The following CTNNA2 variants were observed in gnomAD, a reference collection of about 807,000 sequenced individuals.
The protein encoded by CTNNA2 is catenin alpha-2.
In CTNNA2, 42 loss-of-function variants were observed where a neutral mutation model predicts 101.0. That is an observed-to-expected ratio of 0.42 (90% CI 0.32 to 0.54). The LOEUF (loss-of-function observed/expected upper bound fraction) is 0.54, where lower values mean the gene tolerates loss of function less well. Ranked by LOEUF, CTNNA2 falls within the 20% of genes least tolerant of loss-of-function variation. The pLI, the probability that CTNNA2 is intolerant of heterozygous loss-of-function variation, is 0.14. For missense variants in CTNNA2, 871 were observed against 1,223.1 expected (o/e 0.71, Z 4.29); for synonymous variants, 450 against 456.4 (o/e 0.99, Z 0.18).
At chr2:80,222,263 T>A (rs527258161) in intron 7 of CTNNA2, among the ~76,000 whole-genome samples, 1 of 152,338 alleles carries the variant, frequency 6.6e-6, no homozygotes, top group East Asian at 1.9e-4. Context: ...ATTCTGCTTA[T>A]ACACAAAGCA....
At chr2:79,550,797 A>G (rs1246441155) in intron 1 of CTNNA2, among the ~76,000 whole-genome samples, 3 of 152,278 alleles carry the variant, frequency 2.0e-5, no homozygotes, top group Middle Eastern at 3.4e-3. Flanking sequence ...AAACTAAGAC[A>G]TAGATGAGAA....
chr2:80,303,296 A>G lies in CTNNA2; in HGVS notation c.1057-89915A>G. On this transcript the variant is annotated intron_variant, in intron 7 of 18. Coordinates refer to ENST00000402739, the MANE Select transcript of CTNNA2 (RefSeq NM_001282597.3). The surrounding 1 kb of genome is among the most constrained non-coding windows in gnomAD (Gnocchi z 7.7). ...GTCCTGGAAGATGCGCACGGGCACA[A>G]ACTGGATGGCGTTGGCCCGCATATG... 1 of 1,613,630 alleles carries G rather than the reference A, an allele frequency of 6.2e-7. No homozygotes were observed. Among genetic ancestry groups the G allele is most frequent in the Non-Finnish European group, 8.5e-7 (1 of 1,180,018 alleles).
intron 7 of CTNNA2, among the ~76,000 whole-genome samples, chr2:80,160,353 G>T (rs1038988919): frequency 6.6e-6 from 1 of 152,010 alleles, no homozygotes; most frequent in African/African-American, 2.4e-5. Flanking sequence ...CTTGGATTTT[G>T]CTAGAAATCG....
intron 7 of CTNNA2, among the ~76,000 whole-genome samples, chr2:80,185,396 A>G (rs1437883678): frequency 6.6e-6 from 1 of 152,194 alleles, no homozygotes; most frequent in Non-Finnish European, 1.5e-5. Flanking sequence ...CACTTTTGCC[A>G]TTCTGTTGAT....
At chr2:79,715,737 T>TA (rs1313127191) in intron 2 of CTNNA2, among the ~76,000 whole-genome samples, 1 of 152,046 alleles carries the variant, frequency 6.6e-6, no homozygotes, top group Non-Finnish European at 1.5e-5. Context: ...TAAAAAGAAA[T>TA]ATATGTATAA....
intron 4 of CTNNA2, among the ~76,000 whole-genome samples, chr2:79,409,029 T>G (rs1265216628): frequency 6.6e-6 from 1 of 152,122 alleles, no homozygotes; most frequent in African/African-American, 2.4e-5. Flanking sequence ...TGGTTTTGAT[T>G]TGCATTTCTC....
At position 79,532,333 on chromosome 2, in the gene CTNNA2, C is replaced by A. The variant is rs1311861973; in HGVS notation, c.-6+19126C>A. ...TAAATAAGCTTTGTGACGACTCTGACCCCTGTGAATTTAGGAGGTAAAAGA... is the reference window on the plus strand; with the variant it reads ...TAAATAAGCTTTGTGACGACTCTGAACCCTGTGAATTTAGGAGGTAAAAGA... On this transcript the variant is annotated intron_variant, in intron 1 of 18. Transcript: ENST00000402739. Among the ~76,000 whole-genome samples, 3 of 152,002 alleles carry A rather than the reference C, an allele frequency of 2.0e-5. No homozygotes were observed. The East Asian group carries it at 5.8e-4, about 29-fold the overall frequency.
intron 7 of CTNNA2, among the ~76,000 whole-genome samples, chr2:80,258,802 G>A (rs1383526016): frequency 6.6e-6 from 1 of 152,050 alleles, no homozygotes; most frequent in African/African-American, 2.4e-5. Flanking sequence ...TCCTCTACTG[G>A]ACAAAGGGAC....
chr2:79,964,227 C>T (rs1312827689), intron 7 of CTNNA2, among the ~76,000 whole-genome samples: 1 of 152,128 alleles, frequency 6.6e-6, no homozygotes, highest in Non-Finnish European at 1.5e-5. Context: ...CATGTCCTGA[C>T]CGGTGTCAGA....
At chr2:80,415,277 G>A (rs1290272437) in intron 8 of CTNNA2, among the ~76,000 whole-genome samples, 1 of 152,122 alleles carries the variant, frequency 6.6e-6, no homozygotes, top group African/African-American at 2.4e-5. Flanking sequence ...GGAGCCTCCT[G>A]TTATTCTGGC....
intron 3 of CTNNA2, among the ~76,000 whole-genome samples, chr2:79,372,528 AG>A (rs1677895991): frequency 6.6e-6 from 1 of 152,166 alleles, no homozygotes; most frequent in Non-Finnish European, 1.5e-5. Context: ...AAGGGGGAAA[AG>A]GATTTCTGCA....
intron 1 of CTNNA2, among the ~76,000 whole-genome samples, chr2:79,568,263 C>T (rs528311587): frequency 6.6e-6 from 1 of 152,268 alleles, no homozygotes; most frequent in East Asian, 1.9e-4. Context: ...CCTGTACATG[C>T]CCCCAGTGAA....
intron 4 of CTNNA2, among the ~76,000 whole-genome samples, chr2:79,409,674 C>A (rs1044183924): frequency 2.0e-5 from 3 of 150,190 alleles, no homozygotes; most frequent in African/African-American, 4.9e-5. Context: ...TGTTTTGGTA[C>A]CAGTACCATG....
intron 7 of CTNNA2, among the ~76,000 whole-genome samples, chr2:80,076,464 G>A (rs1350737897): frequency 6.6e-6 from 1 of 151,526 alleles, no homozygotes; most frequent in East Asian, 1.9e-4. Context: ...TCTTTATTTT[G>A]TAAAACAGAG....
chr2:79,609,575 A>G (rs1464615108), intron 1 of CTNNA2, among the ~76,000 whole-genome samples: 2 of 152,088 alleles, frequency 1.3e-5, no homozygotes, highest in African/African-American at 2.4e-5. Flanking sequence ...AATTTTGCCA[A>G]TGTGGTGTTG....
intron 4 of CTNNA2, among the ~76,000 whole-genome samples, chr2:79,445,935 A>T (rs1558668494): frequency 6.6e-6 from 1 of 152,152 alleles, no homozygotes; most frequent in African/African-American, 2.4e-5. Flanking sequence ...ATAATTTTTT[A>T]TTTATAGTTC....
rs763361383 is a variant in CTNNA2, at chr2:79,402,582, GTCTCTCTCTCTGTC to G, written c.-135+28589_-135+28602del. Among the ~76,000 whole-genome samples the G allele has an allele frequency of 2.5e-4, 38 of 151,536 alleles. 1 individual carries two copies. The East Asian group carries it at 3.5e-3, about 14-fold the overall frequency. On this transcript the variant is annotated intron_variant, in intron 4 of 21. Transcript: ENST00000466387. ...TTGTAGTAAAAGTTATATAAATATG[GTCTCTCTCTCTGTC>G]TCTCTCTCTCTGTCTCTCTAAATAT...
At chr2:80,475,267 G>A (rs945159794) in intron 9 of CTNNA2, among the ~76,000 whole-genome samples, 7 of 152,124 alleles carry the variant, frequency 4.6e-5, no homozygotes, top group African/African-American at 1.2e-4. Context: ...GAGTTAACAA[G>A]GATTAGAGCA....
In CTNNA2 at chr2:80,648,189, TACAAAAGC is replaced by T; in HGVS notation, c.*319_*326del. ...GGGATGGGGAAAATAAACTTAACTC[TACAAAAGC>T]AAACTCTAATGCATGCAAGAATCAT... On this transcript the variant is annotated 3_prime_UTR_variant, in exon 19 of 19. Transcript: ENST00000402739. 5.2e-6 allele frequency: 1 copy of T among 193,084 alleles called. No homozygotes were observed. Among genetic ancestry groups the T allele is most frequent in the East Asian group, 1.1e-4 (1 of 8,700 alleles). 12.0% of individuals were successfully genotyped at this position (193,084 alleles called of 1,614,324 possible).
Sources: gnomAD v4.1 joint callset for allele counts (sites outside exome capture counted in the v4.1 genomes callset) on GRCh38, gnomAD v4.1.1 for gene constraint, Gnocchi (gnomAD v3.1) non-coding constraint, MANE v1.5 for transcripts, NCBI Gene and HGNC (gene_info 2026-07-23, HGNC 2026-07-21) for gene names.